GLIS1: variants seen among roughly 807,000 people sequenced by gnomAD.
GLIS1 encodes GLIS family zinc finger 1.
A neutral mutation model predicts 63.8 loss-of-function variants in GLIS1; 24 were observed. That is an observed-to-expected ratio of 0.38 (90% CI 0.27 to 0.53). The LOEUF (loss-of-function observed/expected upper bound fraction) is 0.53. Ranked by LOEUF, GLIS1 falls within the 20% of genes least tolerant of loss-of-function variation. GLIS1 has a pLI of 0.85. For missense variants in GLIS1, 1,036 were observed against 1,074.1 expected, an observed-to-expected ratio of 0.96 and a Z score of 0.50; for synonymous variants, 450 against 482.5, an observed-to-expected ratio of 0.93 and a Z score of 0.88.
At chr1:53,735,904 A>G (rs1022694298) in intron 2 of GLIS1, among the ~76,000 whole-genome samples, 20 of 152,164 alleles carry the variant, frequency 1.3e-4, no homozygotes, top group Non-Finnish European at 2.9e-4. Flanking sequence ...AGCAACACAG[A>G]GGCCAGCAGG....
intron 2 of GLIS1, among the ~76,000 whole-genome samples, chr1:53,697,610 C>A (rs1362986280): frequency 6.6e-6 from 1 of 152,214 alleles, no homozygotes; most frequent in Admixed American, 6.5e-5. Context: ...CTAAACTACA[C>A]AGCAGAGGAG....
intron 4 of GLIS1, among the ~76,000 whole-genome samples, chr1:53,579,343 T>A (rs944822085): frequency 6.6e-6 from 1 of 152,184 alleles, no homozygotes; most frequent in East Asian, 1.9e-4. Flanking sequence ...GCAACAACCT[T>A]CAGCATTCTC....
At chr1:53,614,697 T>G (rs989461450) in intron 2 of GLIS1, among the ~76,000 whole-genome samples, 1 of 152,174 alleles carries the variant, frequency 6.6e-6, no homozygotes, top group Non-Finnish European at 1.5e-5. Context: ...CTATATTCCT[T>G]TTTTGGATTA....
chr1:53,518,514 TG>T (rs1644374939), intron 7 of GLIS1, among the ~76,000 whole-genome samples: 1 of 152,218 alleles, frequency 6.6e-6, no homozygotes, highest in African/African-American at 2.4e-5. Flanking sequence ...AACAGTAAGA[TG>T]ATCAGTCACA....
intron 2 of GLIS1, chr1:53,734,056 A>G (rs958975944): frequency 8.1e-6 from 8 of 981,920 alleles, no homozygotes; most frequent in Non-Finnish European, 9.6e-6. Flanking sequence ...CACAATCTAC[A>G]ATTCCTTTTT....
At chr1:53,707,432 A>G (rs1044284006) in intron 2 of GLIS1, among the ~76,000 whole-genome samples, 1 of 152,136 alleles carries the variant, frequency 6.6e-6, no homozygotes, top group African/African-American at 2.4e-5. Flanking sequence ...CGGGTGGATC[A>G]TGAGGTCAGG....
intron 4 of GLIS1, among the ~76,000 whole-genome samples, chr1:53,581,103 CTG>C (rs1645080521): frequency 6.6e-6 from 1 of 152,196 alleles, no homozygotes; most frequent in South Asian, 2.1e-4. Flanking sequence ...ATGTTCCTGT[CTG>C]AATCTGACAT....
chr1:53,709,403 T>TATATATACACATATATAC (rs1553140190), intron 2 of GLIS1, among the ~76,000 whole-genome samples: 6 of 15,142 alleles, frequency 4.0e-4, no homozygotes, highest in Non-Finnish European at 1.1e-3. Flanking sequence ...TACATATACA[T>TATATATACACATATATAC]ATATATATAC....
intron 4 of GLIS1, among the ~76,000 whole-genome samples, chr1:53,532,283 C>G (rs1254981144): frequency 6.6e-6 from 1 of 152,180 alleles, no homozygotes; most frequent in Admixed American, 6.5e-5. Flanking sequence ...CACCAACGCC[C>G]CATCCAGGGC....
At chr1:53,718,630 C>T (rs1447311221) in intron 2 of GLIS1, among the ~76,000 whole-genome samples, 2 of 152,028 alleles carry the variant, frequency 1.3e-5, no homozygotes, top group Non-Finnish European at 2.9e-5. Context: ...ACAGCTTTAC[C>T]ATCTCCAGCC....
chr1:53,564,194 T>G (rs1037685182), intron 4 of GLIS1, among the ~76,000 whole-genome samples: 1 of 152,116 alleles, frequency 6.6e-6, no homozygotes, highest in Non-Finnish European at 1.5e-5. Flanking sequence ...AACAAAAGCA[T>G]GTAGGTTTGG....
chr1:53,653,375 G>A lies in GLIS1; in HGVS notation c.260-53097C>T, dbSNP rs1434491676. The stretch of plus-strand genomic sequence containing the variant: ...GACTCAGGCCCACAGTCCTCTCAGG[G>A]CCCCCAGTGGAAGTACCTATCCACA... On this transcript the variant is annotated intron_variant, in intron 2 of 10. Coordinates refer to ENST00000628545, the MANE Select transcript of GLIS1 (RefSeq NM_001367484.1). Among the ~76,000 whole-genome samples the A allele has an allele frequency of 2.0e-5, 3 of 152,058 alleles. No individual in the cohort carries two copies. The South Asian group carries it at 6.2e-4, about 32-fold the overall frequency.
chr1:53,673,849 G>A (rs978096804), intron 2 of GLIS1, among the ~76,000 whole-genome samples: 6 of 152,208 alleles, frequency 3.9e-5, no homozygotes, highest in Admixed American at 1.3e-4. Flanking sequence ...AAGCCTGTGT[G>A]GTCTGACTCC....
At chr1:53,600,426 A>G in intron 2 of GLIS1, 148 bp from the exon 3 acceptor site, 1 of 416,462 alleles carries the variant, frequency 2.4e-6, no homozygotes, top group Non-Finnish European at 4.1e-6. Context: ...GCAAGGTACC[A>G]GGATACCTCA....
At chr1:53,596,669 C>T (rs894174956) in intron 3 of GLIS1, among the ~76,000 whole-genome samples, 1 of 152,174 alleles carries the variant, frequency 6.6e-6, no homozygotes, top group African/African-American at 2.4e-5. Context: ...CTCAGTTTCC[C>T]AAGATGGCCT....
At chr1:53,612,722 G>A (rs1178062888) in intron 2 of GLIS1, among the ~76,000 whole-genome samples, 1 of 152,102 alleles carries the variant, frequency 6.6e-6, no homozygotes, top group African/African-American at 2.4e-5. Context: ...TGCCTGAAAG[G>A]AAGAAGAGGC....
chr1:53,703,416 C>A (rs1056745233), intron 2 of GLIS1, among the ~76,000 whole-genome samples: 1 of 151,856 alleles, frequency 6.6e-6, no homozygotes, highest in Non-Finnish European at 1.5e-5. Context: ...GCAGGAGGAT[C>A]GTTTGAGGCC....
chr1:53,645,238 T>C (rs4926609), intron 2 of GLIS1, among the ~76,000 whole-genome samples: 74,456 of 151,996 alleles, frequency 0.49, 21,485 homozygotes, highest in Non-Finnish European at 0.63. Context: ...TGCATGAACA[T>C]TGGGGCCTTT....
chr1:53,557,381 T>C (rs1214508656), intron 4 of GLIS1, among the ~76,000 whole-genome samples: 2 of 152,158 alleles, frequency 1.3e-5, no homozygotes, highest in African/African-American at 2.4e-5. Context: ...GTCACTCAGA[T>C]AGTCATAGCA....
Sources: gnomAD v4.1 joint callset for allele counts (sites outside exome capture counted in the v4.1 genomes callset) on GRCh38, gnomAD v4.1.1 for gene constraint, MANE v1.5 for transcripts, NCBI Gene and HGNC (gene_info 2026-07-23, HGNC 2026-07-21) for gene names.